Variants in ALK observed in about 807,000 individuals in gnomAD.
ALK encodes the protein ALK tyrosine kinase receptor.
A neutral mutation model predicts 163.1 loss-of-function variants in ALK; 74 were observed. The observed-to-expected ratio is 0.45, with a 90% CI of 0.38 to 0.55. ALK has a LOEUF of 0.55. Ranked by LOEUF, ALK falls within the 20% of genes least tolerant of loss-of-function variation. ALK has a pLI of 0.00. For synonymous variants in ALK, 960 were observed against 843.2 expected, an observed-to-expected ratio of 1.14 and a Z score of -2.40; for missense variants, 2,063 against 2,105.3, an observed-to-expected ratio of 0.98 and a Z score of 0.39.
intron 3 of ALK, among the ~76,000 whole-genome samples, chr2:29,684,585 A>G (rs1445401539): frequency 1.3e-5 from 2 of 152,244 alleles, no homozygotes; most frequent in African/African-American, 2.4e-5. Context: ...CACAGGTGAC[A>G]GTGGGCTTCC....
intron 3 of ALK, among the ~76,000 whole-genome samples, chr2:29,668,069 G>A (rs1427903196): frequency 6.6e-6 from 1 of 151,986 alleles, no homozygotes; most frequent in African/African-American, 2.4e-5. Flanking sequence ...CCAATTTGCT[G>A]GCATATAGTT....
intron 3 of ALK, among the ~76,000 whole-genome samples, chr2:29,553,599 A>G (rs1342473178): frequency 1.3e-5 from 2 of 152,120 alleles, no homozygotes; most frequent in Admixed American, 6.5e-5. Flanking sequence ...GGTTTTTGTC[A>G]TTTGCATACA....
chr2:29,640,818 T>C (rs1279564425), intron 3 of ALK, among the ~76,000 whole-genome samples: 2 of 152,172 alleles, frequency 1.3e-5, no homozygotes, highest in African/African-American at 4.8e-5. Flanking sequence ...GCCAGGATTA[T>C]GGAAGGGGTC....
At chr2:29,224,043 T>G (rs1032955471) in intron 19 of ALK, 2 of 255,666 alleles carry the variant, frequency 7.8e-6, no homozygotes, top group South Asian at 1.1e-4. Context: ...AAGTCAGTCA[T>G]CAGAGGAGTC....
intron 1 of ALK, among the ~76,000 whole-genome samples, chr2:29,819,557 C>T (rs542721667): frequency 6.6e-6 from 1 of 152,332 alleles, no homozygotes; most frequent in South Asian, 2.1e-4. Flanking sequence ...GTGTTTTCAC[C>T]GCTGACTGCA....
At chr2:29,308,286 T>C (rs1445791538) in intron 8 of ALK, among the ~76,000 whole-genome samples, 1 of 152,190 alleles carries the variant, frequency 6.6e-6, no homozygotes, top group African/African-American at 2.4e-5. Context: ...AATCTATCTG[T>C]CTGGAAGGAA....
chr2:29,500,412 GC>G (rs2148131654), intron 4 of ALK, among the ~76,000 whole-genome samples: 1 of 152,194 alleles, frequency 6.6e-6, no homozygotes, highest in South Asian at 2.1e-4. Flanking sequence ...GTTTCCTCAG[GC>G]CTCCTGAGAA....
chr2:29,517,383 T>C (rs887144234), intron 4 of ALK, among the ~76,000 whole-genome samples: 2 of 152,084 alleles, frequency 1.3e-5, no homozygotes, highest in Non-Finnish European at 2.9e-5. Context: ...GAACATATAT[T>C]AAAATAGACG....
chr2:29,453,827 A>T (rs1670883122), intron 4 of ALK, among the ~76,000 whole-genome samples: 1 of 152,166 alleles, frequency 6.6e-6, no homozygotes, highest in Non-Finnish European at 1.5e-5. Context: ...GTGAAACAGA[A>T]CAGGCCTGTT....
intron 4 of ALK, among the ~76,000 whole-genome samples, chr2:29,426,182 G>C (rs1325389200): frequency 6.6e-6 from 1 of 152,174 alleles, no homozygotes; most frequent in East Asian, 1.9e-4. Flanking sequence ...TAAAAGCAGT[G>C]TCATCCTAGG....
At chr2:29,577,945 G>C (rs187000357) in intron 3 of ALK, among the ~76,000 whole-genome samples, 1 of 152,264 alleles carries the variant, frequency 6.6e-6, no homozygotes, top group African/African-American at 2.4e-5. Context: ...GGCACTGGCA[G>C]GCCCAGGGTG....
At chr2:29,909,480 CAGAGAGAGAGAGAGAGAGAG>C (rs369360033) in intron 1 of ALK, among the ~76,000 whole-genome samples, 3 of 135,890 alleles carry the variant, frequency 2.2e-5, no homozygotes, top group Non-Finnish European at 3.2e-5. Context: ...GACAGACAGA[CAGAGAGAGAGAGAGAGAGAG>C]AGAGAGAGAG....
At position 29,377,410 on chromosome 2, in the gene ALK, G is replaced by T. The variant is rs1668782085; in HGVS notation, c.1282+6322C>A. Among the ~76,000 whole-genome samples the T allele has an allele frequency of 1.3e-5, 2 of 151,056 alleles. 1 individual carries two copies. Among genetic ancestry groups the T allele is most frequent in the South Asian group, 4.2e-4 (2 of 4,776 alleles). On this transcript the variant is annotated intron_variant, in intron 5 of 28. Coordinates refer to ENST00000389048, the MANE Select transcript of ALK (RefSeq NM_004304.5). ...GAATTCCTTGAACCCAGGAGGTGGA[G>T]GTTGCAGTGAGCTGAGATGGCGCCA...
intron 12 of ALK, among the ~76,000 whole-genome samples, chr2:29,248,474 T>A (rs1664741106): frequency 6.6e-6 from 1 of 152,170 alleles, no homozygotes; most frequent in Non-Finnish European, 1.5e-5. Context: ...AAAACAGCAG[T>A]GACAAAAACC....
At chr2:29,684,157 C>T (rs13425422) in intron 3 of ALK, among the ~76,000 whole-genome samples, 424 of 152,264 alleles carry the variant, frequency 2.8e-3, no homozygotes, top group African/African-American at 9.8e-3. Flanking sequence ...TTTTCTTAAG[C>T]AGAGCCCATT....
intron 4 of ALK, among the ~76,000 whole-genome samples, chr2:29,509,106 T>C (rs1051055924): frequency 2.2e-4 from 33 of 152,142 alleles, no homozygotes; most frequent in African/African-American, 7.5e-4. Context: ...TGGTCATGTG[T>C]GGAGGCTTTT....
Position 29,625,720 on chromosome 2 carries a change from G to A in ALK, c.952+69130C>T, listed in dbSNP as rs182679202. On this transcript the variant is annotated intron_variant, in intron 3 of 28. Coordinates refer to ENST00000389048, the MANE Select transcript of ALK (RefSeq NM_004304.5). The stretch of plus-strand genomic sequence containing the variant: ...CAAATACGTGAATCCACTTTTTCCA[G>A]CTGTTAATCCCATGCTTGCTGCCCT... Among the ~76,000 whole-genome samples the A allele has an allele frequency of 2.4e-3, 366 of 152,366 alleles. 1 individual carries two copies. The highest frequency in any genetic ancestry group is 8.5e-3 in the African/African-American group (353 of 41,580).
At chr2:29,389,817 T>C (rs1308718566) in intron 4 of ALK, among the ~76,000 whole-genome samples, 2 of 152,192 alleles carry the variant, frequency 1.3e-5, no homozygotes, top group Non-Finnish European at 2.9e-5. Flanking sequence ...GTTGCATTAT[T>C]ACTACATAGC....
At chr2:29,801,331 G>T (rs544587876) in intron 1 of ALK, among the ~76,000 whole-genome samples, 1 of 152,046 alleles carries the variant, frequency 6.6e-6, no homozygotes, top group Non-Finnish European at 1.5e-5. Context: ...TCAATGACTA[G>T]TCATCTATCA....
Sources: allele counts gnomAD v4.1 joint callset (sites outside exome capture counted in the v4.1 genomes callset), GRCh38; gene constraint gnomAD v4.1.1; transcripts MANE v1.5; gene names NCBI Gene and HGNC (gene_info 2026-07-23, HGNC 2026-07-21).